The following DHX37 variants were observed in gnomAD, a reference collection of about 807,000 sequenced individuals.
The protein encoded by DHX37 is probable ATP-dependent RNA helicase DHX37.
In DHX37, 52 loss-of-function variants were observed where a neutral mutation model predicts 134.3. That is an observed-to-expected ratio of 0.39 (90% CI 0.31 to 0.49). The LOEUF (loss-of-function observed/expected upper bound fraction) is 0.49. Ranked by LOEUF, DHX37 falls within the 20% of genes least tolerant of loss-of-function variation. The pLI is 0.93. For missense variants in DHX37, 1,344 were observed against 1,580.8 expected, an observed-to-expected ratio of 0.85 and a Z score of 2.54; for synonymous variants, 634 against 670.7, an observed-to-expected ratio of 0.95 and a Z score of 0.85.
At chr12:124,956,638 A>T in intron 18 of DHX37, 53 bp downstream of exon 18, 1 of 1,481,968 alleles carries the variant, frequency 6.7e-7, no homozygotes, top group Non-Finnish European at 9.0e-7. Context: ...CTCAGCCCAG[A>T]GCCCCCGTCG....
intron 21 of DHX37, among the ~76,000 whole-genome samples, chr12:124,951,951 AAC>A (rs1443521226): frequency 2.0e-5 from 3 of 152,140 alleles, no homozygotes; most frequent in African/African-American, 7.2e-5. Flanking sequence ...TAATCTGGGC[AAC>A]AGAGTGAGGC....
intron 25 of DHX37, 40 bp from the exon 26 acceptor site, chr12:124,948,221 G>A (rs1466626743): frequency 6.3e-7 from 1 of 1,596,878 alleles, no homozygotes; most frequent in Admixed American, 1.7e-5. Flanking sequence ...GGCAGCCAGG[G>A]CACAGACCGG....
chr12:124,978,176 G>A lies in DHX37; in HGVS notation c.739-686C>T, dbSNP rs564245798. Reference sequence around the variant, plus strand: ...TGGTTTCACCAGGTTGGCCAGGCTGGTCTTGAACTCCTGACCTCAGGTGAT... The same window carrying A: ...TGGTTTCACCAGGTTGGCCAGGCTGATCTTGAACTCCTGACCTCAGGTGAT... On this transcript the variant is annotated intron_variant, in intron 4 of 26. Coordinates refer to ENST00000308736, the MANE Select transcript of DHX37 (RefSeq NM_032656.4). Among the ~76,000 whole-genome samples the A allele has an allele frequency of 6.6e-4, 100 of 152,106 alleles. 2 individuals carry two copies. In the Middle Eastern group the frequency reaches 0.017, roughly 26 times the overall value.
At chr12:124,974,853 G>A (rs1386961363) in intron 6 of DHX37, among the ~76,000 whole-genome samples, 2 of 150,944 alleles carry the variant, frequency 1.3e-5, no homozygotes, top group African/African-American at 4.9e-5. Context: ...CTTGGCTTAC[G>A]GCAACCTCTG....
At chr12:124,972,131 G>A (rs2135955582) in intron 7 of DHX37, among the ~76,000 whole-genome samples, 1 of 152,330 alleles carries the variant, frequency 6.6e-6, no homozygotes, top group Middle Eastern at 3.4e-3. Flanking sequence ...GTCTGGACCC[G>A]CCGCAGGGCA....
intron 6 of DHX37, 158 bp from the exon 7 acceptor site, chr12:124,972,757 C>A (rs563632169): frequency 7.9e-5 from 15 of 189,808 alleles, no homozygotes; most frequent in Non-Finnish European, 9.8e-6. Context: ...GTCCACTCTC[C>A]CCCTCCAAAA....
intron 15 of DHX37, among the ~76,000 whole-genome samples, chr12:124,961,916 G>C (rs1954273907): frequency 6.6e-6 from 1 of 152,070 alleles, no homozygotes; most frequent in East Asian, 1.9e-4. Context: ...TCCACTAGGA[G>C]AGCTAGGCTC....
intron 8 of DHX37, among the ~76,000 whole-genome samples, chr12:124,969,321 G>C (rs78696083): frequency 0.023 from 3,575 of 152,244 alleles, 149 homozygotes; most frequent in African/African-American, 0.082. Context: ...GGGTCTGTGG[G>C]GGGTGGGAGA....
chr12:124,967,931 T>C (rs1405721093), intron 10 of DHX37, among the ~76,000 whole-genome samples: 1 of 151,912 alleles, frequency 6.6e-6, no homozygotes, highest in Non-Finnish European at 1.5e-5. Flanking sequence ...TAGCCAGGCG[T>C]GGCAGTGTGC....
At chr12:124,951,890 G>A (rs576621207) in intron 21 of DHX37, among the ~76,000 whole-genome samples, 2 of 151,900 alleles carry the variant, frequency 1.3e-5, no homozygotes, top group Non-Finnish European at 2.9e-5. Context: ...GAAAATTGCT[G>A]GAACCCAGGA....
intron 5 of DHX37, 57 bp downstream of exon 5, chr12:124,977,285 C>T (rs1954667200): frequency 6.8e-7 from 1 of 1,463,948 alleles, no homozygotes; most frequent in South Asian, 1.5e-5. Flanking sequence ...ATCGACCTTT[C>T]AGGGCATCTC....
chr12:124,948,473 G>T (rs1054582971), intron 25 of DHX37: 1 of 511,642 alleles, frequency 2.0e-6, no homozygotes, highest in East Asian at 3.5e-5. Context: ...CTGGCTGAGC[G>T]TGGTGGCTCA....
chr12:124,964,925 G>A lies in DHX37; in HGVS notation c.1812+5C>T. 3 of 1,588,514 alleles carry A rather than the reference G, an allele frequency of 1.9e-6. No homozygotes were observed. The highest frequency in any genetic ancestry group is 8.6e-7 in the Non-Finnish European group (1 of 1,169,102). ...AAAAGCTGGGCACCGGCCCAGCACG[G>A]TTACCTGTGCTTGCTTCTCTGGGGC... On this transcript the variant is annotated splice_donor_5th_base_variant and intron_variant, in intron 14 of 26. Transcript: ENST00000308736.
intron 26 of DHX37, 94 bp from the exon 27 acceptor site, chr12:124,947,981 G>C: frequency 6.2e-7 from 1 of 1,612,818 alleles, no homozygotes; most frequent in South Asian, 1.1e-5. Flanking sequence ...CGTGGGGCCA[G>C]ATCCTTCTGC....
Position 124,988,989 on chromosome 12 carries a change from C to A in DHX37, c.34G>T (p.Gly12Trp). The change falls in exon 1 of 27, where the codon GGG becomes TGG. Residue 12 changes from glycine to tryptophan, a missense_variant. Around this residue, in one of 7 missense-constraint regions of DHX37, gnomAD observed 319 missense variants for 296.1 expected, o/e 1.08. Transcript: ENST00000308736. ...GGTCCGGGGCCCGCCTGCTGGCGCC[C>A]CTTGATGTTGTAGCGCCGGCGCAGC... ...GKLRRRYNIK[G>W]RQQAGPGPSK... The A allele has an allele frequency of 7.3e-7, 1 of 1,368,220 alleles. No individual in the cohort carries two copies. The highest frequency in any genetic ancestry group is 9.5e-7 in the Non-Finnish European group (1 of 1,053,022). The allele number at this position is 1,368,220 out of a possible 1,614,324, so 84.8% of individuals were successfully genotyped here. A position where few individuals can be genotyped will look rare whatever the true frequency, so the allele number is the denominator to read the frequency against.
intron 2 of DHX37, among the ~76,000 whole-genome samples, 191 bp from the exon 3 acceptor site, chr12:124,982,814 T>C (rs1449114251): frequency 1.3e-5 from 2 of 152,168 alleles, no homozygotes; most frequent in Non-Finnish European, 2.9e-5. Context: ...TTAACCCCTT[T>C]TACAGAATCT....
chr12:124,963,085 G>A (rs146739298), intron 15 of DHX37, among the ~76,000 whole-genome samples: 2 of 152,266 alleles, frequency 1.3e-5, no homozygotes, highest in African/African-American at 4.8e-5. Flanking sequence ...ATAGCCAAGA[G>A]GTGAAAACAA....
chr12:124,971,311 G>T lies in DHX37; in HGVS notation c.1182C>A (p.Leu394=), dbSNP rs1176113287. 4 of 1,612,618 alleles carry T rather than the reference G, an allele frequency of 2.5e-6. No individual in the cohort carries two copies. Among genetic ancestry groups the T allele is most frequent in the Non-Finnish European group, 3.4e-6 (4 of 1,179,954 alleles). The change falls in exon 8 of 27, where the codon CTC becomes CTA. Residue 394 remains leucine (L), a synonymous_variant. Coordinates refer to ENST00000308736, the MANE Select transcript of DHX37 (RefSeq NM_032656.4). The stretch of plus-strand genomic sequence containing the variant: ...CCGCCTCCTGCGCTACCTTAGCCCG[G>T]AGAGTCACAATGCGGGACAGGAGGC... ...LIGLLSRIVT[L]RAKRNLPLKL... is the part of the protein sequence containing the mutation.
In DHX37 at chr12:124,964,594, C is replaced by T. The variant is rs1954339545; in HGVS notation, c.1845G>A (p.Leu615=). 6.2e-7 allele frequency: 1 copy of T among 1,612,652 alleles called. No homozygotes were observed. Among genetic ancestry groups the T allele is most frequent in the Non-Finnish European group, 8.5e-7 (1 of 1,179,386 alleles). ...CGGCCACATTGGTGGCCACAACACA[C>T]AACCGAGTCCCCTCCGGTGGAGGCT... ...VFKPPPEGTR[L]CVVATNVAET... Residue 615 remains leucine, a synonymous_variant, in exon 15 of 27, where the codon TTG becomes TTA. Transcript: ENST00000308736.
Sources: allele counts gnomAD v4.1 joint callset (sites outside exome capture counted in the v4.1 genomes callset), GRCh38; gene constraint gnomAD v4.1.1; regional missense constraint gnomAD v4.1.1; transcripts MANE v1.5; gene names NCBI Gene and HGNC (gene_info 2026-07-23, HGNC 2026-07-21).